The following UBN2 variants were observed in gnomAD, a reference collection of about 807,000 sequenced individuals.
UBN2 encodes ubinuclein 2.
In UBN2, 35 loss-of-function variants were observed where a neutral mutation model predicts 120.2. That is an observed-to-expected ratio of 0.29 (90% CI 0.22 to 0.39). UBN2 has a LOEUF of 0.39. Among genes scored for constraint, UBN2 ranks in the 10% least tolerant of loss-of-function variants. UBN2 has a pLI of 1.00. For synonymous variants in UBN2, 661 were observed against 648.7 expected, an observed-to-expected ratio of 1.02 and a Z score of -0.29; for missense variants, 1,693 against 1,663.2, an observed-to-expected ratio of 1.02 and a Z score of -0.31.
At chr7:139,259,024 GACTT>G (rs748916340) in intron 4 of UBN2, among the ~76,000 whole-genome samples, 11 of 152,138 alleles carry the variant, frequency 7.2e-5, no homozygotes, top group Non-Finnish European at 1.3e-4. Context: ...GTGGCCCAAA[GACTT>G]ACTTACACCA....
chr7:139,262,477 A>G (rs1453230384), intron 6 of UBN2, among the ~76,000 whole-genome samples: 2 of 152,158 alleles, frequency 1.3e-5, no homozygotes, highest in Admixed American at 1.3e-4. Context: ...TTGGGAAGCC[A>G]AGGTGGGTGA....
At chr7:139,323,683 G>C in the UBN2 span, among the ~76,000 whole-genome samples, 1 of 151,424 alleles carries the variant, frequency 6.6e-6, no homozygotes, top group Non-Finnish European at 1.5e-5. Flanking sequence ...TCCACCTCCC[G>C]GGTTCAAGCA....
At position 139,307,430 on chromosome 7, in the gene UBN2, A is replaced by G. The variant is rs1585040121; in HGVS notation, c.*9594A>G. Reference sequence around the variant, plus strand: ...GTGTGTCTTAAAAATTATGTACTGTACCAGCCATGGATTTTTGTAAATATA... The same window carrying G: ...GTGTGTCTTAAAAATTATGTACTGTGCCAGCCATGGATTTTTGTAAATATA... On this transcript the variant is annotated 3_prime_UTR_variant, in exon 18 of 18. Coordinates refer to ENST00000473989, the MANE Select transcript of UBN2 (RefSeq NM_173569.4). The G allele has an allele frequency of 6.6e-6, 1 of 151,458 alleles. No individual in the cohort carries two copies. The highest frequency in any genetic ancestry group is 2.1e-4 in the South Asian group (1 of 4,794). The allele number at this position is 151,458 out of a possible 1,614,324, so 9.4% of individuals were successfully genotyped here.
intron 8 of UBN2, among the ~76,000 whole-genome samples, chr7:139,269,771 C>G (rs1033640372): frequency 6.6e-6 from 1 of 152,034 alleles, no homozygotes; most frequent in Non-Finnish European, 1.5e-5. Flanking sequence ...AGTAGGTATG[C>G]TCTGACAAAC....
At chr7:139,326,817 A>G in the UBN2 span, among the ~76,000 whole-genome samples, 1 of 152,266 alleles carries the variant, frequency 6.6e-6, no homozygotes, top group Non-Finnish European at 1.5e-5. Context: ...GCTTTGGTGC[A>G]GGTGTCTGGG....
intron 2 of UBN2, among the ~76,000 whole-genome samples, chr7:139,251,732 G>C (rs1796629428): frequency 6.6e-6 from 1 of 152,224 alleles, no homozygotes; most frequent in African/African-American, 2.4e-5. Flanking sequence ...TAGAGAGGTA[G>C]TGTTGGCCAG....
At position 139,261,336 on chromosome 7, in the gene UBN2, A is replaced by G; in HGVS notation, c.990A>G (p.Lys330=). Residue 330 remains lysine, a synonymous_variant, in exon 6 of 18, where the codon AAA becomes AAG. Coordinates refer to ENST00000473989, the MANE Select transcript of UBN2 (RefSeq NM_173569.4). ...TTTCTCTAGCTGCCATGATTAGAAA[A>G]TTCCAGAAAGAGAAGGATGCATTAA... ...DSLSLAAMIR[K]FQKEKDALKK... 1.2e-6 allele frequency: 2 copies of G among 1,614,222 alleles called. No individual in the cohort carries two copies. Among genetic ancestry groups the G allele is most frequent in the Non-Finnish European group, 1.7e-6 (2 of 1,180,048 alleles).
chr7:139,266,514 T>A, intron 7 of UBN2, 111 bp downstream of exon 7: 1 of 584,202 alleles, frequency 1.7e-6, no homozygotes. Flanking sequence ...TTCTTCCCCT[T>A]AAGCCTTACA....
At chr7:139,258,726 A>G (rs936663129) in intron 4 of UBN2, 101 bp downstream of exon 4, 3 of 1,046,966 alleles carry the variant, frequency 2.9e-6, no homozygotes, top group Non-Finnish European at 3.9e-6. Flanking sequence ...GAAAAGTAAA[A>G]TACAAACCAT....
chr7:139,320,958 C>T, the UBN2 span, among the ~76,000 whole-genome samples: 22 of 152,038 alleles, frequency 1.4e-4, no homozygotes, highest in African/African-American at 5.3e-4. Context: ...ATTAGCTATA[C>T]CTTCACACAG....
chr7:139,252,849 A>G (rs965400454), intron 3 of UBN2, among the ~76,000 whole-genome samples: 1 of 152,336 alleles, frequency 6.6e-6, no homozygotes, highest in Admixed American at 6.5e-5. Context: ...GTGGTTCTCA[A>G]TCAAGGGTGA....
intron 7 of UBN2, among the ~76,000 whole-genome samples, chr7:139,268,026 T>G (rs1414432260): frequency 1.3e-5 from 2 of 152,176 alleles, no homozygotes; most frequent in Non-Finnish European, 2.9e-5. Flanking sequence ...TGTGATCAGG[T>G]CCTTCTCTTG....
chr7:139,252,819 A>G (rs1468474750), intron 3 of UBN2, among the ~76,000 whole-genome samples: 1 of 152,236 alleles, frequency 6.6e-6, no homozygotes, highest in African/African-American at 2.4e-5. Context: ...TCAAATGCTG[A>G]AAAACATTAA....
chr7:139,257,171 C>T (rs191118431), intron 3 of UBN2, among the ~76,000 whole-genome samples: 9 of 152,212 alleles, frequency 5.9e-5, no homozygotes, highest in African/African-American at 2.2e-4. Context: ...TTGTCCTTCA[C>T]TTAGTGTTTG....
At chr7:139,237,940 G>C (rs1055143029) in intron 2 of UBN2, among the ~76,000 whole-genome samples, 8 of 152,168 alleles carry the variant, frequency 5.3e-5, no homozygotes, top group Non-Finnish European at 1.0e-4. Context: ...AAATATTCAT[G>C]TACATTTTAT....
At chr7:139,325,488 C>G in the UBN2 span, among the ~76,000 whole-genome samples, 2 of 152,112 alleles carry the variant, frequency 1.3e-5, no homozygotes, top group South Asian at 2.1e-4. Flanking sequence ...AGGCTAGTCT[C>G]GAACCCTTGA....
intron 12 of UBN2, chr7:139,277,049 C>G (rs1472649902): frequency 2.7e-5 from 4 of 149,196 alleles, no homozygotes; most frequent in African/African-American, 9.9e-5. Flanking sequence ...GGGGACAGAA[C>G]AGACCTTGTT....
chr7:139,231,576 A>G lies in UBN2; in HGVS notation c.92A>G (p.Tyr31Cys), dbSNP rs1796010458. ...CCGGGGCCCGAGCGTGAGCCCGAGT[A>G]CCCCCGCGAGCCCCCCCGGCTGGAG... is the stretch of plus-strand genomic sequence containing the variant. ...EYPGPEREPE[Y>C]PREPPRLEPQ... Residue 31 changes from tyrosine (Y) to cysteine (C), a missense_variant, in exon 1 of 18, where the codon TAC (tyrosine) becomes TGC (cysteine). By Grantham distance (194) the Tyr-to-Cys change is radical (BLOSUM62 -2). Around this residue, in one of 5 missense-constraint regions of UBN2, gnomAD observed 663 missense variants for 591.2 expected, o/e 1.12. Transcript: ENST00000473989. 6 of 1,391,740 alleles carry G rather than the reference A, an allele frequency of 4.3e-6. No individual in the cohort carries two copies. The highest frequency in any genetic ancestry group is 3.1e-5 in the East Asian group (1 of 32,736). The allele number at this position is 1,391,740 out of a possible 1,614,324, so 86.2% of individuals were successfully genotyped here.
At chr7:139,246,099 T>C (rs563821969) in intron 2 of UBN2, among the ~76,000 whole-genome samples, 3 of 152,122 alleles carry the variant, frequency 2.0e-5, no homozygotes, top group Non-Finnish European at 4.4e-5. Flanking sequence ...GCGCGGTGGC[T>C]CACATCTGTA....
Sources: allele counts gnomAD v4.1 joint callset (sites outside exome capture counted in the v4.1 genomes callset), GRCh38; gene constraint gnomAD v4.1.1; regional missense constraint gnomAD v4.1.1; transcripts MANE v1.5; gene names NCBI Gene and HGNC (gene_info 2026-07-23, HGNC 2026-07-21).